TANGO6: variants seen among roughly 807,000 people sequenced by gnomAD.
The protein encoded by TANGO6 is transport and golgi organization 6 homolog.
A neutral mutation model predicts 114.2 loss-of-function variants in TANGO6; 90 were observed. That is an observed-to-expected ratio of 0.79 (90% CI 0.66 to 0.94). The LOEUF (loss-of-function observed/expected upper bound fraction) is 0.94. Among genes scored for constraint, TANGO6 ranks in the 40% least tolerant of loss-of-function variants. The pLI, the probability that TANGO6 is intolerant of heterozygous loss-of-function variation, is 0.00. For synonymous variants in TANGO6, 477 were observed against 509.8 expected, an observed-to-expected ratio of 0.94 and a Z score of 0.87; for missense variants, 1,274 against 1,315.3, an observed-to-expected ratio of 0.97 and a Z score of 0.49.
chr16:68,937,920 G>A (rs1963315873), intron 14 of TANGO6, among the ~76,000 whole-genome samples: 1 of 152,278 alleles, frequency 6.6e-6, no homozygotes, highest in African/African-American at 2.4e-5. Context: ...TTGTGTGAAC[G>A]TATGTTTTCA....
At chr16:68,878,489 AT>A (rs1444757672) in intron 6 of TANGO6, among the ~76,000 whole-genome samples, 6 of 152,278 alleles carry the variant, frequency 3.9e-5, no homozygotes, top group African/African-American at 1.2e-4. Context: ...ATAACTTTAC[AT>A]TTTGGCCACA....
chr16:69,036,471 G>T (rs1312177355), intron 16 of TANGO6, among the ~76,000 whole-genome samples: 1 of 152,190 alleles, frequency 6.6e-6, no homozygotes, highest in Non-Finnish European at 1.5e-5. Context: ...GGTTGAGGAA[G>T]TTTCCCAAAT....
At chr16:69,007,284 T>TC (rs1267808033) in intron 15 of TANGO6, 1 of 149,876 alleles carries the variant, frequency 6.7e-6, no homozygotes, top group African/African-American at 2.5e-5. Flanking sequence ...TTTTTTTTTT[T>TC]TTCGAGACTG....
intron 14 of TANGO6, chr16:68,937,676 CATA>C (rs1428600847): frequency 1.3e-5 from 2 of 152,108 alleles, no homozygotes; most frequent in Non-Finnish European, 2.9e-5. Flanking sequence ...TTCACTTTAG[CATA>C]ATGTTTTTGA....
chr16:68,888,014 G>A (rs1274732443), intron 7 of TANGO6, among the ~76,000 whole-genome samples: 1 of 152,220 alleles, frequency 6.6e-6, no homozygotes, highest in Non-Finnish European at 1.5e-5. Context: ...TAGAGCAGGT[G>A]GTTCTGATGG....
intron 14 of TANGO6, among the ~76,000 whole-genome samples, chr16:68,938,464 C>T (rs574172569): frequency 6.6e-6 from 1 of 151,742 alleles, no homozygotes; most frequent in East Asian, 1.9e-4. Context: ...AAAAGCCAGG[C>T]TTATAGGGAA....
chr16:68,887,739 C>T (rs1233303860), intron 7 of TANGO6, among the ~76,000 whole-genome samples: 4 of 151,910 alleles, frequency 2.6e-5, no homozygotes, highest in Non-Finnish European at 4.4e-5. Flanking sequence ...ATTAGCCGGG[C>T]GTGGTGGCTC....
chr16:69,011,261 G>C (rs1964140942), intron 15 of TANGO6, among the ~76,000 whole-genome samples: 1 of 152,168 alleles, frequency 6.6e-6, no homozygotes, highest in Non-Finnish European at 1.5e-5. Context: ...AGGGGGGGCA[G>C]GAGGAGAAAG....
chr16:69,055,767 C>T (rs1034794784), intron 17 of TANGO6, among the ~76,000 whole-genome samples: 2 of 152,166 alleles, frequency 1.3e-5, no homozygotes, highest in South Asian at 2.1e-4. Context: ...GGCGTGCTGG[C>T]GTGTCACGCC....
At chr16:68,969,203 G>A (rs1357159878) in intron 14 of TANGO6, among the ~76,000 whole-genome samples, 1 of 152,080 alleles carries the variant, frequency 6.6e-6, no homozygotes, top group Non-Finnish European at 1.5e-5. Flanking sequence ...GATGTGTGAT[G>A]TTTTCTTGAA....
rs201617054 is a variant in TANGO6 at position 68,974,048 on chromosome 16, G to A, written c.2722G>A (p.Val908Ile). 569 of 1,610,484 alleles carry A rather than the reference G, an allele frequency of 3.5e-4. 1 individual carries two copies. The highest frequency in any genetic ancestry group is 3.8e-4 in the South Asian group (34 of 90,330). The change falls in exon 15 of 18, where the codon GTC becomes ATC. Residue 908 changes from valine (V) to isoleucine (I), a missense_variant. Around this residue, in one of 5 missense-constraint regions of TANGO6, gnomAD observed 238 missense variants for 252.9 expected, o/e 0.94. Transcript: ENST00000261778. Reference protein sequence around the residue: ...AIQGVALLSDVYPEKILPDLL... With the variant: ...AIQGVALLSDIYPEKILPDLL... ...CCCAGGGGTTGCCCTGCTGTCAGAC[G>A]TCTATCCTGAGAAAATCTTGCCGGA...
intron 4 of TANGO6, among the ~76,000 whole-genome samples, chr16:68,870,891 C>G (rs1381809630): frequency 2.6e-5 from 4 of 151,698 alleles, no homozygotes; most frequent in African/African-American, 9.7e-5. Flanking sequence ...AGCGATTATC[C>G]TGCTGCAGCC....
intron 15 of TANGO6, among the ~76,000 whole-genome samples, chr16:69,005,605 C>G (rs1964085201): frequency 6.6e-6 from 1 of 152,154 alleles, no homozygotes; most frequent in Non-Finnish European, 1.5e-5. Flanking sequence ...CAAGACCAGC[C>G]TGGCCAACGT....
chr16:68,912,335 T>A (rs950157172), intron 11 of TANGO6, among the ~76,000 whole-genome samples: 9 of 151,954 alleles, frequency 5.9e-5, no homozygotes, highest in Non-Finnish European at 1.0e-4. Context: ...TCACCTCTAC[T>A]GAAAATACAA....
At chr16:68,908,539 G>T (rs1437723825) in intron 10 of TANGO6, among the ~76,000 whole-genome samples, 1 of 151,996 alleles carries the variant, frequency 6.6e-6, no homozygotes, top group Non-Finnish European at 1.5e-5. Context: ...AATCAGCCTG[G>T]CATGGTGGCT....
chr16:68,930,436 TTAAGTCATAA>T (rs1463905296), intron 14 of TANGO6, 141 bp downstream of exon 14: 1 of 650,026 alleles, frequency 1.5e-6, no homozygotes, highest in Non-Finnish European at 2.7e-6. Flanking sequence ...CTAGGACACT[TTAAGTCATAA>T]TAATAATATT....
intron 14 of TANGO6, among the ~76,000 whole-genome samples, chr16:68,936,986 G>GCC (rs1162791232): frequency 6.6e-6 from 1 of 152,082 alleles, no homozygotes. Flanking sequence ...GTGGAGGGAA[G>GCC]GCAAAAGCCC....
intron 15 of TANGO6, among the ~76,000 whole-genome samples, chr16:69,008,627 T>G (rs1181610925): frequency 6.6e-6 from 1 of 152,092 alleles, no homozygotes; most frequent in East Asian, 1.9e-4. Context: ...TGTTTTGTTT[T>G]GTTTTGTTTG....
intron 14 of TANGO6, among the ~76,000 whole-genome samples, chr16:68,953,050 TTTATTATTA>T (rs71383944): frequency 0.046 from 6,427 of 139,182 alleles, 273 homozygotes; most frequent in African/African-American, 0.11. Flanking sequence ...ACAGGTATTT[TTTATTATTA>T]TTATTATTAT....
Sources: gnomAD v4.1 joint callset for allele counts (sites outside exome capture counted in the v4.1 genomes callset) on GRCh38, gnomAD v4.1.1 for gene constraint, gnomAD v4.1.1 regional missense constraint, MANE v1.5 for transcripts, NCBI Gene and HGNC (gene_info 2026-07-23, HGNC 2026-07-21) for gene names.